KIFAP3: variants seen among roughly 807,000 people sequenced by gnomAD.
KIFAP3 encodes the protein kinesin associated protein 3, also known as kinesin-associated protein 3.
In KIFAP3, 68 loss-of-function variants were observed where a neutral mutation model predicts 106.5. That is an observed-to-expected ratio of 0.64 (90% CI 0.53 to 0.78). The LOEUF (loss-of-function observed/expected upper bound fraction) is 0.78, where lower values mean the gene tolerates loss of function less well. Among genes scored for constraint, KIFAP3 ranks in the 30% least tolerant of loss-of-function variants. KIFAP3 has a pLI of 0.00. For missense variants in KIFAP3, 780 were observed against 941.8 expected (o/e 0.83, Z 2.25); for synonymous variants, 320 against 311.5 (o/e 1.03, Z -0.29).
intron 3 of KIFAP3, among the ~76,000 whole-genome samples, chr1:170,042,066 G>A (rs936352050): frequency 3.3e-5 from 5 of 152,158 alleles, no homozygotes; most frequent in Non-Finnish European, 5.9e-5. Flanking sequence ...GGTGGAAAGG[G>A]GGGTCTGTTT....
chr1:170,014,468 T>C (rs560583186), intron 10 of KIFAP3, among the ~76,000 whole-genome samples: 1 of 152,176 alleles, frequency 6.6e-6, no homozygotes, highest in African/African-American at 2.4e-5. Flanking sequence ...TAGCCTCAAC[T>C]CTTACTTTAT....
intron 10 of KIFAP3, among the ~76,000 whole-genome samples, chr1:169,993,146 C>T (rs1286740220): frequency 4.9e-5 from 7 of 142,348 alleles, no homozygotes; most frequent in African/African-American, 1.8e-4. Flanking sequence ...CTCACTCTGT[C>T]GCCCAGGCCA....
At chr1:169,941,789 A>G (rs1664135098) in intron 19 of KIFAP3, among the ~76,000 whole-genome samples, 1 of 152,220 alleles carries the variant, frequency 6.6e-6, no homozygotes. Context: ...AGGTGTAAGT[A>G]AAAAATATAT....
intron 10 of KIFAP3, among the ~76,000 whole-genome samples, chr1:170,011,899 C>A (rs550434887): frequency 6.6e-6 from 1 of 152,008 alleles, no homozygotes. Context: ...GTAAAAATGA[C>A]CATTCTAGTA....
At chr1:169,986,178 C>T (rs1326180294) in intron 11 of KIFAP3, among the ~76,000 whole-genome samples, 2 of 151,760 alleles carry the variant, frequency 1.3e-5, no homozygotes, top group Admixed American at 1.3e-4. Flanking sequence ...TCTGTTAAAT[C>T]TTGTTTTGAT....
chr1:170,058,364 G>A (rs749629731), intron 1 of KIFAP3, among the ~76,000 whole-genome samples: 8 of 152,116 alleles, frequency 5.3e-5, no homozygotes, highest in Non-Finnish European at 8.8e-5. Context: ...GCCGTTTTAG[G>A]AAGTGTTTGG....
intron 15 of KIFAP3, among the ~76,000 whole-genome samples, chr1:169,980,855 A>C (rs1271776801): frequency 6.6e-6 from 1 of 152,174 alleles, no homozygotes; most frequent in Non-Finnish European, 1.5e-5. Flanking sequence ...TAATCTCAGC[A>C]CTTTGGGAGG....
rs569631154 is a variant in KIFAP3, at chr1:169,932,413, T to G, written c.2274-10632A>C. 9.9e-4 allele frequency among the ~76,000 whole-genome samples: 150 copies of G among 152,178 alleles called. 1 individual carries two copies. Among genetic ancestry groups the G allele is most frequent in the Middle Eastern group, 3.4e-3 (1 of 294 alleles). ...GCTAAACTGGTTAAAATATGAAAAATAACCTTTAGTTACTGTAGTTTAAGT... is the reference window on the plus strand; with the variant it reads ...GCTAAACTGGTTAAAATATGAAAAAGAACCTTTAGTTACTGTAGTTTAAGT... On this transcript the variant is annotated intron_variant, in intron 19 of 19. Coordinates refer to ENST00000361580, the MANE Select transcript of KIFAP3 (RefSeq NM_014970.4).
intron 10 of KIFAP3, among the ~76,000 whole-genome samples, chr1:170,013,026 T>C (rs377035321): frequency 6.6e-6 from 1 of 152,188 alleles, no homozygotes; most frequent in Admixed American, 6.5e-5. Flanking sequence ...AGCCAAACCA[T>C]ACAGTGCCTT....
rs550890358 is a variant in KIFAP3, at chr1:169,927,832, A to C, written c.2274-6051T>G. On this transcript the variant is annotated intron_variant, in intron 19 of 19. Transcript: ENST00000361580. Reference sequence around the variant, plus strand: ...TGGCAGGAGATAAGGCTAGAAAGGGAGGTTAGGACTAGATATTGAAGCTTT... The same window carrying C: ...TGGCAGGAGATAAGGCTAGAAAGGGCGGTTAGGACTAGATATTGAAGCTTT... Among the ~76,000 whole-genome samples the C allele has an allele frequency of 2.0e-4, 30 of 152,288 alleles. No homozygotes were observed. In the South Asian group the frequency reaches 3.7e-3, roughly 19 times the overall value.
chr1:170,051,880 C>A (rs1293749166), intron 2 of KIFAP3, among the ~76,000 whole-genome samples: 1 of 152,086 alleles, frequency 6.6e-6, no homozygotes, highest in African/African-American at 2.4e-5. Flanking sequence ...TAAATGCCCA[C>A]ATCAGAAAGG....
Position 169,992,221 on chromosome 1 carries a change from A to C in KIFAP3, c.1218T>G (p.Val406=), listed in dbSNP as rs1180973794. Residue 406 remains valine, a synonymous_variant, in exon 11 of 20, where the codon GTT becomes GTG. Coordinates refer to ENST00000361580, the MANE Select transcript of KIFAP3 (RefSeq NM_014970.4). ...NDNYKQIAMC[V]LYHISMDDRF... is the part of the protein sequence containing the mutation. Reference sequence around the variant, plus strand: ...GGTCATCCATGCTTATGTGGTAAAGAACACACATTGCTATTTGTTTGTAGT... The same window carrying C: ...GGTCATCCATGCTTATGTGGTAAAGCACACACATTGCTATTTGTTTGTAGT... 1.3e-6 allele frequency: 2 copies of C among 1,584,492 alleles called. No homozygotes were observed. The highest frequency in any genetic ancestry group is 2.7e-5 in the African/African-American group (2 of 73,370).
intron 3 of KIFAP3, chr1:170,041,817 G>T: frequency 3.3e-6 from 5 of 1,498,430 alleles, no homozygotes; most frequent in Non-Finnish European, 3.6e-6. Context: ...TCCCTCTTCA[G>T]AAGTCCTGCT....
rs1318725638 is a variant in KIFAP3 at position 170,061,119 on chromosome 1, A to C, written c.33-5683T>G. ...AGGCATGGGCAAGGACTTCATGTTT[A>C]AAACACCAAAAGCAATGGCAACAAA... On this transcript the variant is annotated intron_variant, in intron 1 of 19. Transcript: ENST00000361580. Among the ~76,000 whole-genome samples the C allele has an allele frequency of 4.6e-5, 7 of 152,370 alleles. No individual in the cohort carries two copies. The East Asian group carries it at 1.3e-3, about 29-fold the overall frequency.
chr1:169,981,085 G>C (rs1395683779), intron 15 of KIFAP3, among the ~76,000 whole-genome samples: 11 of 152,102 alleles, frequency 7.2e-5, no homozygotes, highest in Admixed American at 6.5e-4. Context: ...TGGGCAACAA[G>C]AGCAAAACTA....
chr1:169,929,929 A>G (rs1376146930), intron 19 of KIFAP3, among the ~76,000 whole-genome samples: 7 of 152,200 alleles, frequency 4.6e-5, no homozygotes, highest in Non-Finnish European at 8.8e-5. Flanking sequence ...GAGATACTTC[A>G]GATAAAAACT....
chr1:169,986,452 C>A (rs1235690213), intron 11 of KIFAP3, among the ~76,000 whole-genome samples: 1 of 151,862 alleles, frequency 6.6e-6, no homozygotes. Context: ...GAGGGCAGAT[C>A]TTTAACCACA....
intron 17 of KIFAP3, among the ~76,000 whole-genome samples, chr1:169,962,031 T>C (rs1483431888): frequency 1.3e-5 from 2 of 152,136 alleles, no homozygotes; most frequent in African/African-American, 2.4e-5. Context: ...GTAGTTAGCA[T>C]AAAATGACAT....
chr1:170,019,061 AG>A (rs1458819764), intron 9 of KIFAP3, among the ~76,000 whole-genome samples: 2 of 152,284 alleles, frequency 1.3e-5, no homozygotes, highest in East Asian at 3.9e-4. Flanking sequence ...AGAGATAAAA[AG>A]GAAACAGTAC....
Sources: gnomAD v4.1 joint callset for allele counts (sites outside exome capture counted in the v4.1 genomes callset) on GRCh38, gnomAD v4.1.1 for gene constraint, MANE v1.5 for transcripts, NCBI Gene and HGNC (gene_info 2026-07-23, HGNC 2026-07-21) for gene names.